Variants in SEMA6D observed in about 807,000 individuals in gnomAD.
SEMA6D encodes semaphorin-6D.
Under a neutral mutation model 106.6 loss-of-function variants are expected in SEMA6D, and 35 were observed. The observed-to-expected ratio is 0.33, with a 90% CI of 0.25 to 0.44. The LOEUF (loss-of-function observed/expected upper bound fraction) is 0.44, where lower values mean the gene tolerates loss of function less well. Among genes scored for constraint, SEMA6D ranks in the 20% least tolerant of loss-of-function variants. The pLI is 1.00. For synonymous variants in SEMA6D, 499 were observed against 487.7 expected (o/e 1.02, Z -0.31); for missense variants, 1,185 against 1,345.9 (o/e 0.88, Z 1.87).
upstream of SEMA6D, among the ~76,000 whole-genome samples, chr15:47,714,553 G>A (rs902747524): frequency 6.6e-6 from 1 of 152,148 alleles, no homozygotes; most frequent in Non-Finnish European, 1.5e-5. Flanking sequence ...AAACTGGACT[G>A]TAAACAAAAT....
chr15:47,627,425 C>T (rs1870810842), intron 4 of SEMA6D, among the ~76,000 whole-genome samples: 1 of 152,040 alleles, frequency 6.6e-6, no homozygotes, highest in Admixed American at 6.6e-5. Flanking sequence ...AAATTCTAAC[C>T]CTGCCTCTAT....
At chr15:47,273,463 A>G (rs954201934) in intron 1 of SEMA6D, among the ~76,000 whole-genome samples, 2 of 152,216 alleles carry the variant, frequency 1.3e-5, no homozygotes, top group East Asian at 3.8e-4. Context: ...GATAGTGCTA[A>G]TAGCTATATG....
At chr15:47,233,314 A>G (rs1263529277) in intron 1 of SEMA6D, among the ~76,000 whole-genome samples, 1 of 152,042 alleles carries the variant, frequency 6.6e-6, no homozygotes, top group Non-Finnish European at 1.5e-5. Context: ...TTATGCCTAT[A>G]TCACAGTATT....
intron 1 of SEMA6D, among the ~76,000 whole-genome samples, chr15:47,314,082 C>A (rs904715704): frequency 2.6e-5 from 4 of 152,104 alleles, no homozygotes; most frequent in African/African-American, 7.2e-5. Context: ...TTCTGCTGCT[C>A]CATATGCTTT....
At chr15:47,281,626 A>G (rs1223694348) in intron 1 of SEMA6D, among the ~76,000 whole-genome samples, 2 of 152,084 alleles carry the variant, frequency 1.3e-5, no homozygotes, top group Non-Finnish European at 1.5e-5. Context: ...CCTAGTCTCA[A>G]TGGTCTTTAC....
At chr15:47,549,988 A>G (rs1275422790) in intron 3 of SEMA6D, among the ~76,000 whole-genome samples, 1 of 152,216 alleles carries the variant, frequency 6.6e-6, no homozygotes, top group African/African-American at 2.4e-5. Flanking sequence ...AAAGTGCTCC[A>G]TGGAAGATCT....
intron 3 of SEMA6D, among the ~76,000 whole-genome samples, chr15:47,538,558 G>A (rs757675540): frequency 3.3e-5 from 5 of 152,116 alleles, no homozygotes; most frequent in East Asian, 1.9e-4. Context: ...AGAATCAAAC[G>A]AATTATCTGT....
At chr15:47,210,454 T>A (rs187772193) in intron 1 of SEMA6D, among the ~76,000 whole-genome samples, 50 of 152,210 alleles carry the variant, frequency 3.3e-4, no homozygotes, top group African/African-American at 1.2e-3. Flanking sequence ...AGAATTGCTC[T>A]ATTTTTTTTT....
At chr15:47,367,941 A>C (rs1246436123) in intron 1 of SEMA6D, among the ~76,000 whole-genome samples, 3 of 148,126 alleles carry the variant, frequency 2.0e-5, no homozygotes, top group Admixed American at 1.4e-4. Flanking sequence ...CTGGGAGACC[A>C]AGGGCCCCCT....
chr15:47,359,070 C>T (rs1428712182), intron 1 of SEMA6D, among the ~76,000 whole-genome samples: 1 of 151,958 alleles, frequency 6.6e-6, no homozygotes, highest in East Asian at 1.9e-4. Flanking sequence ...TATCTAGATG[C>T]AGGTATTCCC....
At chr15:47,713,030 T>A (rs2079049167), upstream of SEMA6D, among the ~76,000 whole-genome samples, 2 of 152,154 alleles carry the variant, frequency 1.3e-5, no homozygotes, top group Admixed American at 1.3e-4. Flanking sequence ...AAAGAGCTAG[T>A]GTTATTAAAG....
intron 1 of SEMA6D, among the ~76,000 whole-genome samples, chr15:47,196,287 G>T (rs1894352899): frequency 6.6e-6 from 1 of 152,126 alleles, no homozygotes; most frequent in South Asian, 2.1e-4. Context: ...TAATGGCTCT[G>T]CCCGTTCACT....
intron 1 of SEMA6D, among the ~76,000 whole-genome samples, chr15:47,411,810 C>T (rs1343280436): frequency 2.6e-5 from 4 of 152,058 alleles, no homozygotes; most frequent in African/African-American, 9.7e-5. Context: ...ATTCCAGTAG[C>T]GTGGTCAGAA....
intron 4 of SEMA6D, among the ~76,000 whole-genome samples, chr15:47,634,766 G>T (rs775622127): frequency 1.3e-5 from 2 of 150,684 alleles, no homozygotes; most frequent in Non-Finnish European, 3.0e-5. Flanking sequence ...ATCAGTTTCC[G>T]TGTCCATGGA....
At chr15:47,405,460 T>A (rs2040531157) in intron 1 of SEMA6D, among the ~76,000 whole-genome samples, 1 of 152,100 alleles carries the variant, frequency 6.6e-6, no homozygotes, top group Non-Finnish European at 1.5e-5. Context: ...CTCAGAGGGC[T>A]AAGTCATTTT....
rs186662976 is a variant in SEMA6D, at chr15:47,571,415, C to G, written c.-86-29450C>G. On this transcript the variant is annotated intron_variant, in intron 3 of 19. Transcript: ENST00000558014. ...ATGCCAATTACAGATGCTCTGCTGT[C>G]TGATTAGAGCATTCTTGAGTCCAGA... Among the ~76,000 whole-genome samples, 37 of 152,330 alleles carry G rather than the reference C, an allele frequency of 2.4e-4. No homozygotes were observed. In the East Asian group the frequency reaches 7.0e-3, roughly 29 times the overall value.
intron 4 of SEMA6D, among the ~76,000 whole-genome samples, chr15:47,626,933 AACAGGAGGC>A (rs879736345): frequency 1.3e-5 from 2 of 152,170 alleles, no homozygotes; most frequent in African/African-American, 4.8e-5. Context: ...TTTGACCGAG[AACAGGAGGC>A]ACAAAGGAAC....
chr15:47,294,057 C>G (rs529601528), intron 1 of SEMA6D, among the ~76,000 whole-genome samples: 1 of 152,002 alleles, frequency 6.6e-6, no homozygotes, highest in East Asian at 2.0e-4. Flanking sequence ...CACATTCCAA[C>G]ATTCTTAAGA....
intron 2 of SEMA6D, among the ~76,000 whole-genome samples, chr15:47,433,798 G>A (rs1176896659): frequency 1.3e-5 from 2 of 152,000 alleles, no homozygotes; most frequent in Admixed American, 6.6e-5. Context: ...AAAGCACAAT[G>A]GGGTAAACAG....
Sources: allele counts gnomAD v4.1 joint callset (sites outside exome capture counted in the v4.1 genomes callset), GRCh38; gene constraint gnomAD v4.1.1; transcripts MANE v1.5; gene names NCBI Gene and HGNC (gene_info 2026-07-23, HGNC 2026-07-21).